EFCAB5: variants seen among roughly 807,000 people sequenced by gnomAD.
The protein encoded by EFCAB5 is EF-hand calcium binding domain 5, also known as EF-hand calcium-binding domain-containing protein 5.
In EFCAB5, 131 loss-of-function variants were observed where a neutral mutation model predicts 167.9. The observed-to-expected ratio is 0.78, with a 90% CI of 0.68 to 0.90. The LOEUF (loss-of-function observed/expected upper bound fraction) is 0.90. Among genes scored for constraint, EFCAB5 ranks in the 40% least tolerant of loss-of-function variants. The pLI is 0.00. For missense variants in EFCAB5, 1,663 were observed against 1,745.2 expected (o/e 0.95, Z 0.84); for synonymous variants, 574 against 602.8 (o/e 0.95, Z 0.70).
chr17:29,994,703 G>A (rs1242441671), intron 5 of EFCAB5, among the ~76,000 whole-genome samples: 6 of 152,180 alleles, frequency 3.9e-5, no homozygotes, highest in Non-Finnish European at 7.3e-5. Context: ...TTGTGCCCAC[G>A]AGTGCAAGAC....
chr17:29,969,856 G>A (rs2067913347), intron 4 of EFCAB5, among the ~76,000 whole-genome samples: 2 of 151,994 alleles, frequency 1.3e-5, no homozygotes, highest in Non-Finnish European at 2.9e-5. Flanking sequence ...ATAAGGAAAT[G>A]CAAACATGGA....
At chr17:30,031,112 T>G (rs751192151) in intron 7 of EFCAB5, among the ~76,000 whole-genome samples, 1 of 152,026 alleles carries the variant, frequency 6.6e-6, no homozygotes, top group Non-Finnish European at 1.5e-5. Context: ...TATAGAAAAA[T>G]ACCTACTAGT....
At chr17:30,029,861 G>A (rs1297279906) in intron 7 of EFCAB5, among the ~76,000 whole-genome samples, 1 of 152,062 alleles carries the variant, frequency 6.6e-6, no homozygotes, top group African/African-American at 2.4e-5. Flanking sequence ...CACTGGCCCA[G>A]AGCTATAGAA....
chr17:30,101,530 G>C (rs904640048), intron 22 of EFCAB5, among the ~76,000 whole-genome samples: 1 of 152,164 alleles, frequency 6.6e-6, no homozygotes, highest in African/African-American at 2.4e-5. Flanking sequence ...ATATCTATTA[G>C]ATATGGAAGT....
chr17:30,057,387 A>G (rs2070300627), intron 12 of EFCAB5, among the ~76,000 whole-genome samples: 2 of 152,208 alleles, frequency 1.3e-5, no homozygotes, highest in African/African-American at 2.4e-5. Flanking sequence ...GCTAACTCTC[A>G]TTGGCCTATA....
chr17:30,086,150 G>T (rs1431222097), intron 18 of EFCAB5, among the ~76,000 whole-genome samples: 1 of 151,660 alleles, frequency 6.6e-6, no homozygotes, highest in Non-Finnish European at 1.5e-5. Context: ...CATGCCCCAA[G>T]AATTTTTTTT....
intron 7 of EFCAB5, among the ~76,000 whole-genome samples, chr17:30,021,010 G>C (rs1279808858): frequency 6.6e-6 from 1 of 152,132 alleles, no homozygotes; most frequent in Non-Finnish European, 1.5e-5. Context: ...AATATATATA[G>C]CTGGGTCTTA....
rs1403137990 is a variant in EFCAB5 at position 30,080,065 on chromosome 17, G to A, written c.3028-7G>A. The A allele has an allele frequency of 6.2e-7, 1 of 1,600,576 alleles. No homozygotes were observed. The highest frequency in any genetic ancestry group is 1.1e-5 in the South Asian group (1 of 88,554). ...GCAAACACATGGTCGGAAACGTTTT[G>A]CTGTAGGATGCTGAAGCCCATGGAA... On this transcript the variant is annotated splice_polypyrimidine_tract_variant and splice_region_variant and intron_variant, in intron 15 of 22. Coordinates refer to ENST00000394835, the MANE Select transcript of EFCAB5 (RefSeq NM_198529.4).
intron 14 of EFCAB5, among the ~76,000 whole-genome samples, chr17:30,075,762 G>A (rs1324234008): frequency 2.0e-5 from 3 of 152,140 alleles, no homozygotes; most frequent in South Asian, 2.1e-4. Flanking sequence ...AGCTAACCCT[G>A]CACAGATTTG....
At chr17:29,930,136 A>C in intron 1 of EFCAB5, 1 of 771,230 alleles carries the variant, frequency 1.3e-6, no homozygotes, top group Non-Finnish European at 2.1e-6. Flanking sequence ...GGCCGCGGGA[A>C]CGGCCGCAGA....
chr17:30,056,781 G>A (rs996430332), intron 12 of EFCAB5, among the ~76,000 whole-genome samples: 1 of 152,136 alleles, frequency 6.6e-6, no homozygotes, highest in Non-Finnish European at 1.5e-5. Context: ...TCTCATTTAA[G>A]CCTCAAATAA....
Position 30,107,958 on chromosome 17 carries a change from G to A in EFCAB5, c.4446G>A (p.Pro1482=), listed in dbSNP as rs74776851. ...AACTAAATAGTGGTATTACACCTCC[G>A]TTGCCCTCCAAGACTGACAATTATA... ...TKQLNSGITP[P]LPSKTDNYMY... is the part of the protein sequence containing the mutation. Residue 1482 remains proline, a synonymous_variant, in exon 23 of 23, where the codon CCG becomes CCA. Coordinates refer to ENST00000394835, the MANE Select transcript of EFCAB5 (RefSeq NM_198529.4). 134 of 1,610,888 alleles carry A rather than the reference G, an allele frequency of 8.3e-5. No individual in the cohort carries two copies. The East Asian group carries it at 1.4e-3, about 16-fold the overall frequency.
At chr17:30,068,545 A>T in intron 14 of EFCAB5, 1 of 719,904 alleles carries the variant, frequency 1.4e-6, no homozygotes, top group Non-Finnish European at 2.2e-6. Flanking sequence ...TGGAAGAATT[A>T]ATATTGTGAA....
chr17:29,986,963 A>T (rs1467412311), intron 4 of EFCAB5, among the ~76,000 whole-genome samples: 1 of 152,086 alleles, frequency 6.6e-6, no homozygotes, highest in Non-Finnish European at 1.5e-5. Context: ...ATTCATTTTG[A>T]TAAATACTGA....
intron 18 of EFCAB5, among the ~76,000 whole-genome samples, chr17:30,083,642 C>T (rs755890174): frequency 2.0e-5 from 3 of 152,166 alleles, no homozygotes; most frequent in Non-Finnish European, 4.4e-5. Context: ...TTAGTAGAGG[C>T]GGGGTTTCTC....
intron 7 of EFCAB5, among the ~76,000 whole-genome samples, chr17:30,013,467 C>CTATTTTTTTGGTTGGTAAG (rs1305762699): frequency 2.0e-5 from 3 of 151,670 alleles, no homozygotes; most frequent in Admixed American, 2.0e-4. Context: ...TTAATTGTTG[C>CTATTTTTTTGGTTGGTAAG]CTCAATTTCA....
intron 7 of EFCAB5, among the ~76,000 whole-genome samples, chr17:30,019,591 G>A (rs887984513): frequency 1.3e-5 from 2 of 151,738 alleles, no homozygotes; most frequent in African/African-American, 4.8e-5. Context: ...GATTACAAGT[G>A]CCTGCCATCA....
In EFCAB5 at chr17:30,090,504, G is replaced by A. The variant is rs146481233; in HGVS notation, c.3767G>A (p.Arg1256His). 17 of 1,613,970 alleles carry A rather than the reference G, an allele frequency of 1.1e-5. No individual in the cohort carries two copies. The highest frequency in any genetic ancestry group is 1.4e-5 in the Non-Finnish European group (17 of 1,179,876). ...CGETHIVVPL[R>H]ERTGEALGVL... ...GAAACGCATATAGTAGTTCCACTTC[G>A]TGAGAGAACAGGAGAGGCTCTGGGA... The change falls in exon 20 of 23, where the codon CGT becomes CAT. Residue 1256 changes from arginine to histidine, a missense_variant. Transcript: ENST00000394835.
At chr17:30,087,885 G>T (rs1347651720) in intron 19 of EFCAB5, among the ~76,000 whole-genome samples, 1 of 152,164 alleles carries the variant, frequency 6.6e-6, no homozygotes, top group East Asian at 1.9e-4. Context: ...TTCCACAATG[G>T]TTAAACTAAT....
Sources: allele counts gnomAD v4.1 joint callset (sites outside exome capture counted in the v4.1 genomes callset), GRCh38; gene constraint gnomAD v4.1.1; transcripts MANE v1.5; gene names NCBI Gene and HGNC (gene_info 2026-07-23, HGNC 2026-07-21).